Variants in TMEM132D observed in about 807,000 individuals in gnomAD.
TMEM132D encodes the protein transmembrane protein 132D, also known as mature OL transmembrane protein.
In TMEM132D, 21 loss-of-function variants were observed where a neutral mutation model predicts 62.3. The observed-to-expected ratio is 0.34, with a 90% CI of 0.24 to 0.49. TMEM132D has a LOEUF of 0.49. TMEM132D is among the 20% of genes least tolerant of loss of function. The pLI is 0.99. For synonymous variants in TMEM132D, 621 were observed against 575.6 expected (o/e 1.08, Z -1.13); for missense variants, 1,346 against 1,402.8 (o/e 0.96, Z 0.65).
intron 3 of TMEM132D, among the ~76,000 whole-genome samples, chr12:129,524,342 TG>T (rs36029888): frequency 6.6e-6 from 1 of 152,188 alleles, no homozygotes; most frequent in Non-Finnish European, 1.5e-5. Context: ...AACACATTGC[TG>T]GGGGGTTCTC....
intron 3 of TMEM132D, among the ~76,000 whole-genome samples, chr12:129,422,095 T>TAAAAAAAAAAAAAAAAAAAAAA (rs10633587): frequency 7.2e-6 from 1 of 139,540 alleles, no homozygotes; most frequent in Non-Finnish European, 1.5e-5. Context: ...ACAGCAATGT[T>TAAAAAAAAAAAAAAAAAAAAAA]AAAAAAAAAA....
intron 5 of TMEM132D, among the ~76,000 whole-genome samples, chr12:129,101,094 T>C (rs1428826897): frequency 3.3e-5 from 5 of 151,902 alleles, no homozygotes; most frequent in Admixed American, 2.6e-4. Context: ...GCGGCAGAGA[T>C]TGAAGCTCTG....
At chr12:129,607,100 A>G (rs867468205) in intron 2 of TMEM132D, among the ~76,000 whole-genome samples, 1 of 150,698 alleles carries the variant, frequency 6.6e-6, no homozygotes, top group South Asian at 2.1e-4. Context: ...TCACTCTGCA[A>G]TTGGGGAGGG....
chr12:129,162,930 C>T (rs1202924220), intron 5 of TMEM132D, among the ~76,000 whole-genome samples: 1 of 152,246 alleles, frequency 6.6e-6, no homozygotes, highest in East Asian at 1.9e-4. Flanking sequence ...TGGGCTAGCA[C>T]AGTCATCCCC....
chr12:129,711,660 G>C (rs1868376558), intron 1 of TMEM132D, among the ~76,000 whole-genome samples: 1 of 150,404 alleles, frequency 6.6e-6, no homozygotes, highest in Middle Eastern at 3.2e-3. Context: ...CCGGGAAGTG[G>C]AGGTTGGAGT....
At chr12:129,635,322 A>T (rs1200015436) in intron 2 of TMEM132D, among the ~76,000 whole-genome samples, 1 of 152,026 alleles carries the variant, frequency 6.6e-6, no homozygotes, top group Admixed American at 6.5e-5. Flanking sequence ...CTCTGTTGGG[A>T]TCTCTATAAC....
intron 4 of TMEM132D, among the ~76,000 whole-genome samples, chr12:129,323,146 T>A: frequency 6.6e-6 from 1 of 152,156 alleles, no homozygotes; most frequent in Middle Eastern, 3.2e-3. Flanking sequence ...TTTAAAGAAT[T>A]CTACTGCAGG....
At chr12:129,896,145 GTT>G (rs770169364) in intron 1 of TMEM132D, among the ~76,000 whole-genome samples, 33 of 78,078 alleles carry the variant, frequency 4.2e-4, no homozygotes, top group Admixed American at 1.5e-3. Context: ...CATTTTTTTT[GTT>G]TTGTTTTGTT....
At position 129,843,606 on chromosome 12, in the gene TMEM132D, C is replaced by T. The variant is rs147897722; in HGVS notation, c.79+59655G>A. Among the ~76,000 whole-genome samples the T allele has an allele frequency of 2.1e-3, 320 of 152,216 alleles. 2 individuals are homozygous for T. The highest frequency in any genetic ancestry group is 8.8e-4 in the Non-Finnish European group (60 of 68,018). On this transcript the variant is annotated intron_variant, in intron 1 of 8. Transcript: ENST00000422113. ...AATCTCAAGAGGTGCTGACCTTGTA[C>T]GAGCGGAAACAGGGACACAGGCAGG...
At chr12:129,269,776 C>T (rs1346838179) in intron 4 of TMEM132D, among the ~76,000 whole-genome samples, 2 of 152,188 alleles carry the variant, frequency 1.3e-5, no homozygotes, top group Admixed American at 6.5e-5. Flanking sequence ...TCTCGTTATT[C>T]GGTCGCAGTT....
chr12:129,507,784 C>A lies in TMEM132D; in HGVS notation c.1115+23275G>T, dbSNP rs149104741. ...TATACTGCTCGGTTGATGGGTGCAC[C>A]AAAATCTCACAAATCACCACTAAAG... On this transcript the variant is annotated intron_variant, in intron 3 of 8. Transcript: ENST00000422113. Among the ~76,000 whole-genome samples the A allele has an allele frequency of 3.5e-3, 537 of 152,158 alleles. 2 individuals are homozygous for A. Among genetic ancestry groups the A allele is most frequent in the African/African-American group, 0.012 (518 of 41,498 alleles).
intron 4 of TMEM132D, among the ~76,000 whole-genome samples, chr12:129,254,464 C>T (rs952730155): frequency 1.3e-5 from 2 of 152,164 alleles, no homozygotes; most frequent in Non-Finnish European, 2.9e-5. Context: ...CCAGCTCTGT[C>T]ACTTAGTAGG....
At chr12:129,416,313 T>A (rs562314443) in intron 3 of TMEM132D, among the ~76,000 whole-genome samples, 142 of 152,306 alleles carry the variant, frequency 9.3e-4, no homozygotes, top group African/African-American at 3.3e-3. Context: ...ATTCTCTTTG[T>A]AGCAATTGTG....
chr12:129,432,219 ATGCTTGGATGGATGGATGGATGGATGGT>A (rs1872677641), intron 3 of TMEM132D, among the ~76,000 whole-genome samples: 2 of 148,542 alleles, frequency 1.3e-5, no homozygotes, highest in Non-Finnish European at 1.5e-5. Flanking sequence ...GGATGGATGG[ATGCTTGGATGGATGGATGGATGGATGGT>A]TGCTTGGATG....
At chr12:129,675,216 C>T (rs1880597052) in intron 2 of TMEM132D, among the ~76,000 whole-genome samples, 1 of 152,104 alleles carries the variant, frequency 6.6e-6, no homozygotes, top group Non-Finnish European at 1.5e-5. Flanking sequence ...AGTTCATGTC[C>T]TTTGCAGGGG....
intron 2 of TMEM132D, among the ~76,000 whole-genome samples, chr12:129,625,587 T>C (rs1466858274): frequency 6.6e-6 from 1 of 152,204 alleles, no homozygotes; most frequent in East Asian, 1.9e-4. Flanking sequence ...ATGCTCACAG[T>C]TTTTACAGGC....
At chr12:129,590,094 G>C (rs1294554819) in intron 2 of TMEM132D, among the ~76,000 whole-genome samples, 1 of 151,968 alleles carries the variant, frequency 6.6e-6, no homozygotes, top group Non-Finnish European at 1.5e-5. Context: ...CAGTACCTTG[G>C]TTAAAGTGTT....
chr12:129,568,044 T>C (rs1877416001), intron 2 of TMEM132D, among the ~76,000 whole-genome samples: 1 of 152,194 alleles, frequency 6.6e-6, no homozygotes, highest in Admixed American at 6.5e-5. Flanking sequence ...TTCATTTCTC[T>C]CCCATTCTGT....
intron 3 of TMEM132D, among the ~76,000 whole-genome samples, chr12:129,509,998 G>A (rs1304131132): frequency 6.6e-6 from 1 of 152,274 alleles, no homozygotes; most frequent in South Asian, 2.1e-4. Context: ...CAATAGGATT[G>A]CTGGGTCTTA....
Sources: allele counts gnomAD v4.1 joint callset (sites outside exome capture counted in the v4.1 genomes callset), GRCh38; gene constraint gnomAD v4.1.1; transcripts MANE v1.5; gene names NCBI Gene and HGNC (gene_info 2026-07-23, HGNC 2026-07-21).